Variants in DAAM2 observed in about 807,000 individuals in gnomAD.
DAAM2 encodes dishevelled associated activator of morphogenesis 2.
A neutral mutation model predicts 120.7 loss-of-function variants in DAAM2; 39 were observed. The observed-to-expected ratio is 0.32, with a 90% CI of 0.25 to 0.42. DAAM2 has a LOEUF of 0.42. DAAM2 is among the 10% of genes least tolerant of loss of function. The probability of loss-of-function intolerance (pLI) is 1.00; values close to 1 mark genes in which losing one functional copy is unlikely to be tolerated. For missense variants in DAAM2, 1,283 were observed against 1,401.7 expected (o/e 0.92, Z 1.35); for synonymous variants, 488 against 524.9 (o/e 0.93, Z 0.96).
At chr6:39,821,835 T>C in intron 1 of DAAM2, 1 of 152,402 alleles carries the variant, frequency 6.6e-6, no homozygotes. Context: ...CCAGTGACAT[T>C]TGCAGCCTGA....
chr6:39,793,332 A>G (rs1432660345), intron 1 of DAAM2, among the ~76,000 whole-genome samples: 2 of 151,132 alleles, frequency 1.3e-5, no homozygotes, highest in East Asian at 2.0e-4. Flanking sequence ...AGCTCCTAAC[A>G]TAAAGAGACG....
At chr6:39,884,151 C>T in intron 15 of DAAM2, 82 bp downstream of exon 15, 2 of 732,770 alleles carry the variant, frequency 2.7e-6, no homozygotes, top group East Asian at 5.4e-5. Context: ...TGCCTGCCTG[C>T]CTTCCTTTCC....
At chr6:39,824,948 C>T (rs1368325561) in intron 1 of DAAM2, among the ~76,000 whole-genome samples, 1 of 152,190 alleles carries the variant, frequency 6.6e-6, no homozygotes, top group Non-Finnish European at 1.5e-5. Context: ...GCCAGGTTAT[C>T]CCAACTGTCT....
intron 14 of DAAM2, among the ~76,000 whole-genome samples, chr6:39,882,701 GCGCACACACA>G (rs781277435): frequency 3.6e-5 from 3 of 84,448 alleles, no homozygotes; most frequent in South Asian, 5.8e-4. Flanking sequence ...GCTTCTGTGA[GCGCACACACA>G]CACACACGCA....
intron 22 of DAAM2, 171 bp from the exon 23 acceptor site, chr6:39,899,906 G>C: frequency 1.5e-6 from 1 of 664,506 alleles, no homozygotes; most frequent in Non-Finnish European, 2.4e-6. Flanking sequence ...GGGTGGGCTG[G>C]CTGCTAATGT....
chr6:39,831,933 C>A (rs1370627470), intron 1 of DAAM2, among the ~76,000 whole-genome samples: 3 of 45,610 alleles, frequency 6.6e-5, no homozygotes, highest in African/African-American at 3.9e-4. Flanking sequence ...AGATGCAGTG[C>A]GAGGGCCGGG....
At chr6:39,837,210 C>T (rs1763133572) in intron 1 of DAAM2, among the ~76,000 whole-genome samples, 1 of 152,114 alleles carries the variant, frequency 6.6e-6, no homozygotes, top group Non-Finnish European at 1.5e-5. Flanking sequence ...TCAACTGCCT[C>T]CCCCGTCTCT....
chr6:39,793,118 G>A (rs1761597486), intron 1 of DAAM2: 1 of 152,400 alleles, frequency 6.6e-6, no homozygotes. Flanking sequence ...CTTAACCGGG[G>A]AATGAGGGAC....
intron 2 of DAAM2, among the ~76,000 whole-genome samples, chr6:39,858,564 G>A (rs1462895967): frequency 6.6e-6 from 1 of 152,158 alleles, no homozygotes; most frequent in African/African-American, 2.4e-5. Flanking sequence ...AGGGGGCTGG[G>A]ATGATGAACT....
At chr6:39,805,504 C>T (rs1761982995) in intron 1 of DAAM2, among the ~76,000 whole-genome samples, 1 of 151,580 alleles carries the variant, frequency 6.6e-6, no homozygotes, top group Non-Finnish European at 1.5e-5. Flanking sequence ...AGGAAATATT[C>T]TGAGTTGGGG....
chr6:39,862,805 C>CAAAAAAAAAAAAAAAAAA (rs60238956), intron 3 of DAAM2: 1 of 50,634 alleles, frequency 2.0e-5, no homozygotes, highest in Non-Finnish European at 3.4e-5. Flanking sequence ...AACTCCATCT[C>CAAAAAAAAAAAAAAAAAA]AAAAAAAAAA....
At chr6:39,839,954 C>T (rs749439921) in intron 1 of DAAM2, among the ~76,000 whole-genome samples, 2 of 152,188 alleles carry the variant, frequency 1.3e-5, no homozygotes, top group African/African-American at 2.4e-5. Context: ...TGGCCAGGCG[C>T]AGTAGCTCAC....
chr6:39,898,752 C>T (rs1582774828), intron 21 of DAAM2, 125 bp from the exon 22 acceptor site: 6 of 790,866 alleles, frequency 7.6e-6, no homozygotes, highest in Non-Finnish European at 1.3e-5. Flanking sequence ...CACACCAGGG[C>T]TGGAACCCAG....
chr6:39,892,633 G>A (rs1389067279), intron 19 of DAAM2, among the ~76,000 whole-genome samples: 1 of 152,098 alleles, frequency 6.6e-6, no homozygotes, highest in Non-Finnish European at 1.5e-5. Context: ...GACAGGGTCA[G>A]CAGAGTGGAG....
Position 39,879,206 on chromosome 6 carries a change from CT to C in DAAM2, c.1575del (p.Gly527AlafsTer9). On this transcript the variant is annotated frameshift_variant, in exon 14 of 25. Transcript: ENST00000274867. LOFTEE classifies it high-confidence loss of function. Reference protein sequence around the residue: ...STGPVSSPPPPGGPLTLSSSM... With the variant: ...STGPVSSPPPXGGPLTLSSSM... The stretch of plus-strand genomic sequence containing the variant: ...GGCCCTGTATCTTCCCCACCACCCC[CT>C]GGGGGCCCACTCACCTTGTCTTCCT... 6.5e-7 allele frequency: 1 copy of C among 1,549,986 alleles called. No homozygotes were observed. The highest frequency in any genetic ancestry group is 8.7e-7 in the Non-Finnish European group (1 of 1,146,120).
chr6:39,868,606 G>A, intron 6 of DAAM2: 1 of 559,996 alleles, frequency 1.8e-6, no homozygotes, highest in Non-Finnish European at 3.2e-6. Flanking sequence ...GAGTGGAGAG[G>A]AAGTGAGGCA....
In DAAM2 at chr6:39,901,423, T is replaced by C. The variant is rs367809972; in HGVS notation, c.2933T>C (p.Met978Thr). 3.2e-5 allele frequency: 51 copies of C among 1,612,710 alleles called. No homozygotes were observed. The African/African-American group carries it at 5.5e-4, about 17-fold the overall frequency. The change falls in exon 24 of 25, where the codon ATG becomes ACG. Residue 978 changes from methionine to threonine, a missense_variant. Transcript: ENST00000274867. This position sits in a 1 kb window ranked among gnomAD's most constrained non-coding sequence, Gnocchi z 4.5. ...GAGGCCCGGCAGGATCTAGAGGCCA[T>C]GAGGAGGAGGAAGGAGGAGGAGGAG... ...FSEARQDLEA[M>T]RRRKEEEERR...
intron 21 of DAAM2, among the ~76,000 whole-genome samples, chr6:39,898,267 T>C (rs536133309): frequency 3.3e-5 from 5 of 152,202 alleles, no homozygotes; most frequent in Admixed American, 2.0e-4. Context: ...AGTAATTGGC[T>C]GAGGGGCTCT....
intron 19 of DAAM2, among the ~76,000 whole-genome samples, chr6:39,892,940 C>T (rs892420337): frequency 6.6e-6 from 1 of 152,146 alleles, no homozygotes; most frequent in Non-Finnish European, 1.5e-5. Flanking sequence ...GGAAAGAGAG[C>T]AGCAGTGACT....
Sources: allele counts gnomAD v4.1 joint callset (sites outside exome capture counted in the v4.1 genomes callset), GRCh38; gene constraint gnomAD v4.1.1; non-coding constraint Gnocchi (gnomAD v3.1); transcripts MANE v1.5; gene names NCBI Gene and HGNC (gene_info 2026-07-23, HGNC 2026-07-21).